Variants in CNTN4 observed in about 807,000 individuals in gnomAD.
CNTN4 encodes contactin-4.
In CNTN4, 77 loss-of-function variants were observed where a neutral mutation model predicts 122.5. The ratio of observed to expected loss-of-function variants is 0.63; its 90% confidence interval spans 0.52 to 0.76. The LOEUF is 0.76. Among genes scored for constraint, CNTN4 ranks in the 30% least tolerant of loss-of-function variants. The pLI is 0.00. For synonymous variants in CNTN4, 512 were observed against 447.0 expected, an observed-to-expected ratio of 1.15 and a Z score of -1.83; for missense variants, 1,256 against 1,259.1, an observed-to-expected ratio of 1.00 and a Z score of 0.04.
At chr3:2,423,085 G>A (rs1044422521) in intron 3 of CNTN4, among the ~76,000 whole-genome samples, 9 of 152,176 alleles carry the variant, frequency 5.9e-5, no homozygotes, top group African/African-American at 1.9e-4. Flanking sequence ...CAACAGTGAT[G>A]AACTGATAAC....
Position 2,557,452 on chromosome 3 carries a change from G to T in CNTN4, c.-88-13964G>T, listed in dbSNP as rs138098329. Among the ~76,000 whole-genome samples the T allele has an allele frequency of 6.6e-3, 1,010 of 152,314 alleles. 5 individuals are homozygous for T. Among genetic ancestry groups the T allele is most frequent in the Non-Finnish European group, 1.0e-2 (678 of 68,038 alleles). On this transcript the variant is annotated intron_variant, in intron 3 of 24. Transcript: ENST00000418658. Reference sequence around the variant, plus strand: ...TTCATTAATATGCATGGTAGGCCAGGCATGGTGGCTCACGCCTGTAATCCC... The same window carrying T: ...TTCATTAATATGCATGGTAGGCCAGTCATGGTGGCTCACGCCTGTAATCCC...
intron 10 of CNTN4, among the ~76,000 whole-genome samples, chr3:2,897,271 C>T (rs1382791408): frequency 6.6e-6 from 1 of 152,102 alleles, no homozygotes; most frequent in Non-Finnish European, 1.5e-5. Flanking sequence ...CCAGCACAAG[C>T]ATTTAACATT....
intron 3 of CNTN4, among the ~76,000 whole-genome samples, chr3:2,481,617 G>A (rs1021035566): frequency 6.6e-6 from 1 of 152,116 alleles, no homozygotes; most frequent in Non-Finnish European, 1.5e-5. Flanking sequence ...AAGATAACAA[G>A]GAGAAAATCT....
At chr3:2,148,524 C>T (rs557642933) in intron 2 of CNTN4, among the ~76,000 whole-genome samples, 2 of 151,066 alleles carry the variant, frequency 1.3e-5, no homozygotes, top group South Asian at 4.2e-4. Flanking sequence ...CAGAGCGAGC[C>T]CCTGTCTCAA....
At chr3:2,919,830 C>G (rs1280112039) in intron 12 of CNTN4, among the ~76,000 whole-genome samples, 1 of 152,138 alleles carries the variant, frequency 6.6e-6, no homozygotes, top group Admixed American at 6.5e-5. Context: ...TGAAGCCCTA[C>G]TTAAAGCATT....
At chr3:2,681,624 A>G (rs1458458637) in intron 4 of CNTN4, among the ~76,000 whole-genome samples, 2 of 149,858 alleles carry the variant, frequency 1.3e-5, no homozygotes, top group Non-Finnish European at 3.0e-5. Flanking sequence ...ATATATGTGC[A>G]CCCCTTACGT....
intron 7 of CNTN4, among the ~76,000 whole-genome samples, chr3:2,849,609 A>C (rs1203502197): frequency 6.6e-6 from 1 of 152,212 alleles, no homozygotes; most frequent in Non-Finnish European, 1.5e-5. Context: ...TCTCCACTGA[A>C]GTTGAGCCCA....
intron 14 of CNTN4, among the ~76,000 whole-genome samples, chr3:3,008,807 G>A (rs945928978): frequency 6.6e-6 from 1 of 152,020 alleles, no homozygotes; most frequent in Non-Finnish European, 1.5e-5. Flanking sequence ...AATTTAAAAC[G>A]CAACTACTTT....
rs189708862 is a variant in CNTN4 at position 2,712,573 on chromosome 3, T to A, written c.56-23642T>A. Among the ~76,000 whole-genome samples the A allele has an allele frequency of 1.1e-3, 166 of 152,278 alleles. 3 individuals are homozygous for A. The East Asian group carries it at 0.018, about 16-fold the overall frequency. The stretch of plus-strand genomic sequence containing the variant: ...GAAGACCTAAATAAACAGGGTGTAA[T>A]GTTGTAAAATATATATTTGGTCTTC... On this transcript the variant is annotated intron_variant, in intron 4 of 24. Coordinates refer to ENST00000418658, the MANE Select transcript of CNTN4 (RefSeq NM_175607.3).
At chr3:3,008,862 C>A in intron 14 of CNTN4, 1 of 675,034 alleles carries the variant, frequency 1.5e-6, no homozygotes, top group African/African-American at 2.0e-5. Context: ...CAGTAGCAGG[C>A]ATTCGGGTTT....
chr3:2,679,512 TGACATTC>T (rs2085052272), intron 4 of CNTN4, among the ~76,000 whole-genome samples: 1 of 152,198 alleles, frequency 6.6e-6, no homozygotes, highest in African/African-American at 2.4e-5. Context: ...TGATTATGGA[TGACATTC>T]GATCCTAAAA....
At chr3:2,895,408 C>T (rs2094096731) in intron 10 of CNTN4, among the ~76,000 whole-genome samples, 1 of 152,196 alleles carries the variant, frequency 6.6e-6, no homozygotes, top group Non-Finnish European at 1.5e-5. Context: ...AGATTACTTC[C>T]TACAGTTATA....
chr3:3,052,516 T>G (rs755321185), intron 23 of CNTN4, among the ~76,000 whole-genome samples: 5 of 151,942 alleles, frequency 3.3e-5, no homozygotes, highest in Non-Finnish European at 7.4e-5. Context: ...CATCCAACCC[T>G]ATCTTTTTGT....
chr3:2,287,617 AAGGAGAAGG>A (rs2041950275), intron 2 of CNTN4, among the ~76,000 whole-genome samples: 1 of 34,916 alleles, frequency 2.9e-5, no homozygotes, highest in African/African-American at 6.4e-5. Flanking sequence ...AAAGAAGGAG[AAGGAGAAGG>A]AGAAGGAGAA....
At chr3:2,634,794 T>C (rs1332251380) in intron 4 of CNTN4, among the ~76,000 whole-genome samples, 1 of 151,752 alleles carries the variant, frequency 6.6e-6, no homozygotes, top group East Asian at 1.9e-4. Context: ...AGGCAGAGGT[T>C]GCACTGAGCC....
intron 14 of CNTN4, among the ~76,000 whole-genome samples, chr3:3,025,365 A>G (rs1244743219): frequency 6.6e-6 from 1 of 152,200 alleles, no homozygotes; most frequent in Non-Finnish European, 1.5e-5. Context: ...GTCTAATAAA[A>G]TTTGCTAAAA....
intron 5 of CNTN4, among the ~76,000 whole-genome samples, chr3:2,740,626 ATAT>A (rs1576626182): frequency 6.7e-6 from 1 of 149,880 alleles, no homozygotes; most frequent in East Asian, 2.0e-4. Flanking sequence ...CATCTTATAA[ATAT>A]TATGCCTCTA....
chr3:3,011,765 GTCTTCCTCTCACTAAA>G (rs949449907), intron 14 of CNTN4, among the ~76,000 whole-genome samples: 1 of 152,000 alleles, frequency 6.6e-6, no homozygotes, highest in African/African-American at 2.4e-5. Flanking sequence ...TCATGTGAGC[GTCTTCCTCTCACTAAA>G]TTTTCCTCTC....
intron 4 of CNTN4, among the ~76,000 whole-genome samples, chr3:2,573,343 G>T (rs1559253498): frequency 6.6e-6 from 1 of 152,010 alleles, no homozygotes; most frequent in Non-Finnish European, 1.5e-5. Context: ...GAACATCTTG[G>T]CATCCCTCTT....
Sources: gnomAD v4.1 joint callset for allele counts (sites outside exome capture counted in the v4.1 genomes callset) on GRCh38, gnomAD v4.1.1 for gene constraint, MANE v1.5 for transcripts, NCBI Gene and HGNC (gene_info 2026-07-23, HGNC 2026-07-21) for gene names.